PPP1R9A: variants seen among roughly 807,000 people sequenced by gnomAD.
The protein encoded by PPP1R9A is neurabin-1.
Under a neutral mutation model 141.9 loss-of-function variants are expected in PPP1R9A, and 59 were observed. The ratio of observed to expected loss-of-function variants is 0.42; its 90% CI spans 0.34 to 0.52. The LOEUF (loss-of-function observed/expected upper bound fraction) is 0.52. Ranked by LOEUF, PPP1R9A falls within the 20% of genes least tolerant of loss-of-function variation. The pLI, the probability that PPP1R9A is intolerant of heterozygous loss-of-function variation, is 0.10. For missense variants in PPP1R9A, 1,444 were observed against 1,611.9 expected (o/e 0.90, Z 1.78); for synonymous variants, 500 against 569.7 (o/e 0.88, Z 1.74).
At chr7:94,927,028 G>A (rs1362307929) in intron 2 of PPP1R9A, among the ~76,000 whole-genome samples, 1 of 152,080 alleles carries the variant, frequency 6.6e-6, no homozygotes, top group Non-Finnish European at 1.5e-5. Context: ...ATATGAAATA[G>A]CTTTGCTTGT....
At chr7:95,021,541 G>A (rs1805963270) in intron 2 of PPP1R9A, among the ~76,000 whole-genome samples, 1 of 152,056 alleles carries the variant, frequency 6.6e-6, no homozygotes, top group Non-Finnish European at 1.5e-5. Flanking sequence ...TGAAGTCTTT[G>A]CCCATGCCTG....
At chr7:94,907,811 C>T (rs181266031) in intron 1 of PPP1R9A, 109 bp downstream of exon 1, 2,012 of 151,180 alleles carry the variant, frequency 0.013, 29 homozygotes, top group Non-Finnish European at 0.02. Context: ...CAAACCCCTT[C>T]CCCGGCCGGC....
At chr7:95,068,078 A>AG (rs1813210855) in intron 2 of PPP1R9A, among the ~76,000 whole-genome samples, 1 of 152,184 alleles carries the variant, frequency 6.6e-6, no homozygotes, top group Non-Finnish European at 1.5e-5. Flanking sequence ...CCAAAAAAAA[A>AG]CTGGATATGT....
At position 95,159,783 on chromosome 7, in the gene PPP1R9A, G is replaced by A. The variant is rs187328754; in HGVS notation, c.1650-2084G>A. ...CTAAAAATACAAAAAAACATTAGCC[G>A]GGCTTGGTGGTGCATGCCTGTAATC... On this transcript the variant is annotated intron_variant, in intron 4 of 19. Transcript: ENST00000433360. Among the ~76,000 whole-genome samples the A allele has an allele frequency of 8.4e-3, 1,277 of 151,834 alleles. 19 individuals are homozygous for A. The highest frequency in any genetic ancestry group is 0.029 in the African/African-American group (1,198 of 41,424).
chr7:95,276,249 A>G (rs1374046337), intron 16 of PPP1R9A, among the ~76,000 whole-genome samples: 1 of 152,136 alleles, frequency 6.6e-6, no homozygotes, highest in African/African-American at 2.4e-5. Context: ...GCAGCCAGAA[A>G]GGGGGAGGGT....
intron 2 of PPP1R9A, among the ~76,000 whole-genome samples, chr7:94,938,849 G>A (rs900467584): frequency 2.0e-5 from 3 of 152,236 alleles, no homozygotes; most frequent in East Asian, 3.9e-4. Flanking sequence ...CATGCTGTAC[G>A]TAGTTGTGAG....
At chr7:95,166,697 A>G (rs971192314) in intron 5 of PPP1R9A, among the ~76,000 whole-genome samples, 4 of 152,204 alleles carry the variant, frequency 2.6e-5, no homozygotes, top group Admixed American at 1.3e-4. Flanking sequence ...AAAAGGAGAT[A>G]AGGACAGAAC....
chr7:94,969,046 C>CT (rs1798565970), intron 2 of PPP1R9A, among the ~76,000 whole-genome samples: 1 of 151,924 alleles, frequency 6.6e-6, no homozygotes, highest in African/African-American at 2.4e-5. Context: ...TTCATCTAAC[C>CT]TTTTTTCAAA....
intron 4 of PPP1R9A, among the ~76,000 whole-genome samples, chr7:95,136,472 A>T (rs527614243): frequency 2.0e-5 from 3 of 152,206 alleles, no homozygotes; most frequent in Non-Finnish European, 4.4e-5. Flanking sequence ...GTATATAAAC[A>T]TGCACAAAGA....
At chr7:95,215,600 T>C (rs1793189398) in intron 7 of PPP1R9A, among the ~76,000 whole-genome samples, 3 of 152,272 alleles carry the variant, frequency 2.0e-5, no homozygotes, top group African/African-American at 4.8e-5. Context: ...AGTGTAAAAG[T>C]GTTCCTATTT....
At chr7:95,007,090 G>A (rs1803720481) in intron 2 of PPP1R9A, among the ~76,000 whole-genome samples, 2 of 152,192 alleles carry the variant, frequency 1.3e-5, no homozygotes, top group East Asian at 1.9e-4. Flanking sequence ...TTGAACTCCC[G>A]ACCTCAGGTG....
At chr7:95,096,047 T>C (rs1385851968) in intron 2 of PPP1R9A, among the ~76,000 whole-genome samples, 2 of 152,182 alleles carry the variant, frequency 1.3e-5, no homozygotes, top group African/African-American at 4.8e-5. Context: ...TTTGAAGCAG[T>C]TTGAGATTGT....
chr7:95,186,526 G>C (rs1196054308), intron 5 of PPP1R9A, among the ~76,000 whole-genome samples: 1 of 152,054 alleles, frequency 6.6e-6, no homozygotes, highest in Non-Finnish European at 1.5e-5. Flanking sequence ...TTGTCTGATT[G>C]CTATGGCTAG....
rs187823961 is a variant in PPP1R9A, at chr7:95,090,137, A to G, written c.1396-21122A>G. 6.6e-5 allele frequency among the ~76,000 whole-genome samples: 10 copies of G among 152,040 alleles called. No individual in the cohort carries two copies. The East Asian group carries it at 1.7e-3, about 26-fold the overall frequency. ...AAGGATCAAGTCTTTGGTGGTTTTTAGTATTTAAGGTCAACACTCACTAAT... is the reference window on the plus strand; with the variant it reads ...AAGGATCAAGTCTTTGGTGGTTTTTGGTATTTAAGGTCAACACTCACTAAT... On this transcript the variant is annotated intron_variant, in intron 2 of 19. Transcript: ENST00000433360.
intron 5 of PPP1R9A, among the ~76,000 whole-genome samples, chr7:95,164,001 G>C (rs1031182830): frequency 1.3e-5 from 2 of 152,172 alleles, no homozygotes; most frequent in African/African-American, 4.8e-5. Flanking sequence ...GCCTCCCAAA[G>C]TGCTAGGATC....
intron 2 of PPP1R9A, among the ~76,000 whole-genome samples, chr7:95,087,911 GAAA>G (rs796943272): frequency 8.6e-6 from 1 of 116,572 alleles, no homozygotes; most frequent in East Asian, 2.5e-4. Flanking sequence ...AAGAGAGAGA[GAAA>G]AAAAAAAAAA....
intron 2 of PPP1R9A, among the ~76,000 whole-genome samples, chr7:94,973,698 A>C (rs1256877839): frequency 6.6e-6 from 1 of 151,752 alleles, no homozygotes. Flanking sequence ...GTGTTTTAGA[A>C]ATTTTATTTT....
At chr7:95,216,690 T>A (rs1793496253) in intron 7 of PPP1R9A, among the ~76,000 whole-genome samples, 1 of 152,222 alleles carries the variant, frequency 6.6e-6, no homozygotes, top group South Asian at 2.1e-4. Context: ...ACATCCCTTG[T>A]AAGTTGGGAT....
chr7:95,081,286 C>G (rs1815787874), intron 2 of PPP1R9A, among the ~76,000 whole-genome samples: 1 of 151,988 alleles, frequency 6.6e-6, no homozygotes, highest in Non-Finnish European at 1.5e-5. Context: ...AAGAGCATAA[C>G]AAGGAGAAAA....
Sources: allele counts gnomAD v4.1 joint callset (sites outside exome capture counted in the v4.1 genomes callset), GRCh38; gene constraint gnomAD v4.1.1; transcripts MANE v1.5; gene names NCBI Gene and HGNC (gene_info 2026-07-23, HGNC 2026-07-21).